The following CPXM2 variants were observed in gnomAD, a reference collection of about 807,000 sequenced individuals.
The protein encoded by CPXM2 is inactive carboxypeptidase-like protein X2.
In CPXM2, 66 loss-of-function variants were observed where a neutral mutation model predicts 86.1. The observed-to-expected ratio is 0.77, with a 90% CI of 0.63 to 0.94. The LOEUF (loss-of-function observed/expected upper bound fraction) is 0.94, where lower values mean the gene tolerates loss of function less well. Among genes scored for constraint, CPXM2 ranks in the 40% least tolerant of loss-of-function variants. CPXM2 has a pLI of 0.00. For missense variants in CPXM2, 948 were observed against 1,026.3 expected, an observed-to-expected ratio of 0.92 and a Z score of 1.04; for synonymous variants, 388 against 400.2, an observed-to-expected ratio of 0.97 and a Z score of 0.36.
intron 3 of CPXM2, among the ~76,000 whole-genome samples, chr10:123,854,378 T>C (rs1165664282): frequency 8.2e-6 from 1 of 121,288 alleles, no homozygotes; most frequent in African/African-American, 3.3e-5. Flanking sequence ...ATATATAATA[T>C]ATATATAATA....
intron 4 of CPXM2, among the ~76,000 whole-genome samples, chr10:123,827,614 A>G (rs984214431): frequency 6.6e-6 from 1 of 152,254 alleles, no homozygotes; most frequent in Non-Finnish European, 1.5e-5. Flanking sequence ...GGTTTGGAAG[A>G]TTCAACATGG....
chr10:123,781,893 G>T (rs574101449), intron 6 of CPXM2, among the ~76,000 whole-genome samples: 1 of 152,146 alleles, frequency 6.6e-6, no homozygotes, highest in Non-Finnish European at 1.5e-5. Flanking sequence ...TGCCATACCC[G>T]AACTGATCGA....
At chr10:123,868,660 G>A (rs1590084337) in intron 2 of CPXM2, among the ~76,000 whole-genome samples, 1 of 152,022 alleles carries the variant, frequency 6.6e-6, no homozygotes, top group African/African-American at 2.4e-5. Flanking sequence ...GGTAACTAAG[G>A]GCTTTTTAAG....
chr10:123,913,150 T>C (rs1281379482), intron 2 of CPXM2, among the ~76,000 whole-genome samples: 1 of 152,158 alleles, frequency 6.6e-6, no homozygotes, highest in Non-Finnish European at 1.5e-5. Flanking sequence ...AGATTCTGGA[T>C]TGGTTGTGTG....
At chr10:123,881,716 A>T (rs1057144988) in intron 1 of CPXM2, among the ~76,000 whole-genome samples, 1 of 152,132 alleles carries the variant, frequency 6.6e-6, no homozygotes, top group Non-Finnish European at 1.5e-5. Context: ...GACTCCTGGT[A>T]TCTGGGGGCT....
intron 4 of CPXM2, among the ~76,000 whole-genome samples, chr10:123,809,577 T>C (rs564428606): frequency 1.3e-5 from 2 of 152,188 alleles, no homozygotes; most frequent in Admixed American, 1.3e-4. Context: ...CATATATACA[T>C]ATATAGATAT....
intron 8 of CPXM2, 66 bp downstream of exon 8, chr10:123,770,850 T>C (rs1351576081): frequency 1.4e-5 from 21 of 1,514,090 alleles, no homozygotes; most frequent in Non-Finnish European, 1.9e-5. Context: ...GGGTGAACAG[T>C]CTCCTAACTG....
At chr10:123,833,342 T>A (rs1360205445) in intron 4 of CPXM2, among the ~76,000 whole-genome samples, 1 of 152,186 alleles carries the variant, frequency 6.6e-6, no homozygotes, top group Non-Finnish European at 1.5e-5. Context: ...GCCAAATTTA[T>A]GCCAACAAAA....
chr10:123,839,474 G>A (rs1043093771), intron 4 of CPXM2, among the ~76,000 whole-genome samples: 2 of 151,948 alleles, frequency 1.3e-5, no homozygotes, highest in Non-Finnish European at 1.5e-5. Context: ...GTTATTTCTC[G>A]TGCATCTAAT....
At chr10:123,816,435 G>A (rs1158404360) in intron 4 of CPXM2, among the ~76,000 whole-genome samples, 1 of 152,200 alleles carries the variant, frequency 6.6e-6, no homozygotes, top group East Asian at 1.9e-4. Context: ...ATTCCTGGAG[G>A]GATTGCAGAG....
rs781539249 is a variant in CPXM2, at chr10:123,880,293, T to G, written c.321A>C (p.Lys107Asn). The G allele has an allele frequency of 6.4e-7, 1 of 1,560,380 alleles. No homozygotes were observed. The highest frequency in any genetic ancestry group is 1.4e-5 in the African/African-American group (1 of 73,892). ...CAGAGCTCTTGGTTCTCATAACTTT[T>G]TTGTTGCTGTGTTTACCTAAAGGGG... Reference protein sequence around the residue: ...EPPPPGKHSNKKVMRTKSSEK... With the variant: ...EPPPPGKHSNNKVMRTKSSEK... Residue 107 changes from lysine to asparagine, a missense_variant, in exon 2 of 14, where the codon AAA becomes AAC. Transcript: ENST00000241305.
chr10:123,926,116 G>A lies in CPXM2; in HGVS notation n.174+13361C>T, dbSNP rs1031574897. Among the ~76,000 whole-genome samples the A allele has an allele frequency of 2.0e-5, 3 of 152,224 alleles. No individual in the cohort carries two copies. In the East Asian group the frequency reaches 5.8e-4, roughly 29 times the overall value. Reference sequence around the variant, plus strand: ...TGGCAGATTCCAAGCGGGCCAGAGGGCCAGCACCAAAGCATCTGTGCCATG... The same window carrying A: ...TGGCAGATTCCAAGCGGGCCAGAGGACCAGCACCAAAGCATCTGTGCCATG... On this transcript the variant is annotated intron_variant and non_coding_transcript_variant, in intron 2 of 19. Transcript: ENST00000368854.
intron 11 of CPXM2, among the ~76,000 whole-genome samples, chr10:123,759,473 G>A (rs1359026654): frequency 2.0e-5 from 3 of 152,188 alleles, no homozygotes; most frequent in African/African-American, 4.8e-5. Context: ...GGAGAAGCTT[G>A]GGCCATGCTG....
chr10:123,913,881 C>G, intron 2 of CPXM2: 1 of 405,824 alleles, frequency 2.5e-6, no homozygotes, highest in Non-Finnish European at 5.0e-6. Flanking sequence ...GGAGGCACCC[C>G]CCTCCCAGGC....
intron 2 of CPXM2, among the ~76,000 whole-genome samples, chr10:123,917,498 T>C (rs1228541088): frequency 1.3e-5 from 2 of 152,244 alleles, no homozygotes; most frequent in East Asian, 1.9e-4. Flanking sequence ...TCAGAATTCA[T>C]TTGACGTTTT....
In CPXM2 at chr10:123,754,250, T is replaced by A. The variant is rs1214919700; in HGVS notation, c.2017+413A>T. ...CTCCACTCCTCCACAAGTCACCCAG[T>A]CTACAGCTTCTCCCTCTCCGGAGCA... On this transcript the variant is annotated intron_variant, in intron 13 of 13. Transcript: ENST00000241305. The surrounding 1 kb of genome is among the most constrained non-coding windows in gnomAD (Gnocchi z 4.0). Among the ~76,000 whole-genome samples, 3 of 152,160 alleles carry A rather than the reference T, an allele frequency of 2.0e-5. No homozygotes were observed. Among genetic ancestry groups the A allele is most frequent in the Admixed American group, 6.5e-5 (1 of 15,284 alleles).
At chr10:123,854,525 C>T (rs936620312) in intron 3 of CPXM2, among the ~76,000 whole-genome samples, 2 of 147,342 alleles carry the variant, frequency 1.4e-5, no homozygotes, top group Admixed American at 6.9e-5. Context: ...AAGTGACCTG[C>T]CCTAACCCCA....
intron 4 of CPXM2, among the ~76,000 whole-genome samples, chr10:123,834,128 A>G (rs1190914335): frequency 6.6e-6 from 1 of 152,190 alleles, no homozygotes; most frequent in Non-Finnish European, 1.5e-5. Flanking sequence ...CTGAGCTCTT[A>G]TTCACTCTGA....
At position 123,751,887 on chromosome 10, in the gene CPXM2, G is replaced by T. The variant is rs1001108949; in HGVS notation, c.2017+2776C>A. The stretch of plus-strand genomic sequence containing the variant: ...GAGGGGAAAATCAAGGGAGGGAGAT[G>T]CATTTCCCATTAGCTCATCAAAACT... On this transcript the variant is annotated intron_variant, in intron 13 of 13. Coordinates refer to ENST00000241305, the MANE Select transcript of CPXM2 (RefSeq NM_198148.3). 36 of 985,262 alleles carry T rather than the reference G, an allele frequency of 3.7e-5. No individual in the cohort carries two copies. The African/African-American group carries it at 5.6e-4, about 15-fold the overall frequency. 61.0% of individuals were successfully genotyped at this position (985,262 alleles called of 1,614,324 possible). A position where few individuals can be genotyped will look rare whatever the true frequency, so the allele number is the denominator to read the frequency against.
Sources: allele counts gnomAD v4.1 joint callset (sites outside exome capture counted in the v4.1 genomes callset), GRCh38; gene constraint gnomAD v4.1.1; non-coding constraint Gnocchi (gnomAD v3.1); transcripts MANE v1.5; gene names NCBI Gene and HGNC (gene_info 2026-07-23, HGNC 2026-07-21).